Variants in LONP2 observed in about 807,000 individuals in gnomAD.
LONP2 encodes the protein lon protease homolog 2, peroxisomal.
A neutral mutation model predicts 85.6 loss-of-function variants in LONP2; 60 were observed. The ratio of observed to expected loss-of-function variants is 0.70; its 90% CI spans 0.57 to 0.87. The LOEUF (loss-of-function observed/expected upper bound fraction) is 0.87, where lower values mean the gene tolerates loss of function less well. LONP2 is among the 40% of genes least tolerant of loss of function. The pLI is 0.00. For synonymous variants in LONP2, 395 were observed against 389.7 expected (o/e 1.01, Z -0.16); for missense variants, 860 against 1,063.5 (o/e 0.81, Z 2.66).
chr16:48,270,124 A>T lies in LONP2; in HGVS notation c.1091A>T (p.Asn364Ile), dbSNP rs368411740. The change falls in exon 7 of 15, where the codon AAT becomes ATT. Residue 364 changes from asparagine to isoleucine, a missense_variant. Around this residue, in one of 3 missense-constraint regions of LONP2, gnomAD observed 743 missense variants for 917.3 expected, o/e 0.81. Transcript: ENST00000285737. Reference protein sequence around the residue: ...LEYLAVRQLKNNLKGPILCFV... With the variant: ...LEYLAVRQLKINLKGPILCFV... ...TACTTGGCTGTCAGACAGCTCAAAA[A>T]TAACCTGAAGGGCCCAATCCTATGC... is the stretch of plus-strand genomic sequence containing the variant. 5 of 1,613,968 alleles carry T rather than the reference A, an allele frequency of 3.1e-6. No homozygotes were observed. In the African/African-American group the frequency reaches 4.0e-5, roughly 13 times the overall value.
intron 11 of LONP2, among the ~76,000 whole-genome samples, chr16:48,305,781 T>G (rs191200135): frequency 6.6e-6 from 1 of 152,364 alleles, no homozygotes; most frequent in East Asian, 1.9e-4. Context: ...ATGTACTTTT[T>G]GTTTCCCAAA....
At chr16:48,255,158 G>T (rs532271376) in intron 2 of LONP2, among the ~76,000 whole-genome samples, 1 of 152,316 alleles carries the variant, frequency 6.6e-6, no homozygotes, top group South Asian at 2.1e-4. Context: ...TGAAATCTCA[G>T]TCGCATAATG....
chr16:48,252,222 C>T lies in LONP2; in HGVS notation c.325C>T (p.Gln109Ter), dbSNP rs890704340. 8 of 1,614,058 alleles carry T rather than the reference C, an allele frequency of 5.0e-6. No individual in the cohort carries two copies. The highest frequency in any genetic ancestry group is 3.3e-5 in the Admixed American group (2 of 60,006). Residue 109 changes from glutamine (Q) to a stop codon, truncating the protein, a stop_gained, in exon 2 of 15, where the codon CAG becomes TAG. Coordinates refer to ENST00000285737, the MANE Select transcript of LONP2 (RefSeq NM_031490.5). LOFTEE classifies it high-confidence loss of function. ...GTTGATTACAGGCCTATGCCGTTTC[C>T]AGATTGTACAGGTCTTAAAAGAGAA... ...TLLITGLCRFQIVQVLKEKPY... is the reference protein window; with the variant it reads ...TLLITGLCRF
At chr16:48,265,097 T>C (rs1971963491) in intron 6 of LONP2, among the ~76,000 whole-genome samples, 1 of 152,214 alleles carries the variant, frequency 6.6e-6, no homozygotes, top group Non-Finnish European at 1.5e-5. Context: ...CATGAGTTCC[T>C]TGTGTATTTT....
At chr16:48,263,889 AAG>A (rs1262581285) in intron 6 of LONP2, among the ~76,000 whole-genome samples, 1 of 152,206 alleles carries the variant, frequency 6.6e-6, no homozygotes, top group Non-Finnish European at 1.5e-5. Flanking sequence ...CAGAGTACAA[AAG>A]AGAGAAATTT....
At chr16:48,312,721 A>G (rs1054628380) in intron 11 of LONP2, among the ~76,000 whole-genome samples, 4 of 152,200 alleles carry the variant, frequency 2.6e-5, no homozygotes, top group African/African-American at 9.7e-5. Flanking sequence ...GGCACTATGC[A>G]GTTGTATCAA....
At chr16:48,319,791 C>T (rs1014790124) in intron 11 of LONP2, among the ~76,000 whole-genome samples, 1 of 152,194 alleles carries the variant, frequency 6.6e-6, no homozygotes, top group Non-Finnish European at 1.5e-5. Context: ...ATGGGAGGCA[C>T]TAACTCCATG....
chr16:48,348,022 G>C (rs1172820596), intron 13 of LONP2, 78 bp from the exon 14 acceptor site: 1 of 1,333,158 alleles, frequency 7.5e-7, no homozygotes, highest in Admixed American at 2.4e-5. Flanking sequence ...ATTCATTTTT[G>C]TTTGTGACTT....
chr16:48,277,403 A>G lies in LONP2; in HGVS notation c.1307A>G (p.Asn436Ser). 1.2e-6 allele frequency: 2 copies of G among 1,613,750 alleles called. No homozygotes were observed. Among genetic ancestry groups the G allele is most frequent in the Non-Finnish European group, 1.7e-6 (2 of 1,179,818 alleles). The change falls in exon 8 of 15, where the codon AAC becomes AGC. Residue 436 changes from asparagine (N) to serine (S), a missense_variant. Physicochemically the swap from Asn to Ser is conservative, Grantham distance 46 (BLOSUM62 1). Coordinates refer to ENST00000285737, the MANE Select transcript of LONP2 (RefSeq NM_031490.5). ...GGCTTGAAGACTGTGGGAGTGAACAACCCAGTGTTCCTATTAGATGAGGTT... is the reference window on the plus strand; with the variant it reads ...GGCTTGAAGACTGTGGGAGTGAACAGCCCAGTGTTCCTATTAGATGAGGTT... Reference protein sequence around the residue: ...INGLKTVGVNNPVFLLDEVDK... With the variant: ...INGLKTVGVNSPVFLLDEVDK...
intron 8 of LONP2, among the ~76,000 whole-genome samples, chr16:48,282,523 A>G (rs1053716791): frequency 4.6e-5 from 7 of 151,956 alleles, no homozygotes; most frequent in Middle Eastern, 3.4e-3. Context: ...ACATTTTGGT[A>G]GTTATTGCAA....
intron 1 of LONP2, among the ~76,000 whole-genome samples, chr16:48,250,493 CAAAA>C (rs941055834): frequency 1.3e-5 from 2 of 149,320 alleles, no homozygotes; most frequent in South Asian, 2.2e-4. Context: ...AAAAAAAAAA[CAAAA>C]AACAAAAAAC....
At chr16:48,333,078 A>G (rs148285482) in intron 11 of LONP2, among the ~76,000 whole-genome samples, 3,257 of 152,238 alleles carry the variant, frequency 0.021, 64 homozygotes, top group Non-Finnish European at 0.029. Flanking sequence ...ACGGCAAACT[A>G]AAAGAAAAAG....
At chr16:48,361,217 A>G (rs149352465), downstream of LONP2, 12 of 223,068 alleles carry the variant, frequency 5.4e-5, no homozygotes, top group Non-Finnish European at 1.1e-4. Context: ...AAACCCAAAC[A>G]CGCACACACC....
intron 12 of LONP2, chr16:48,336,455 A>G: frequency 2.2e-6 from 1 of 456,144 alleles, no homozygotes; most frequent in Middle Eastern, 3.3e-4. Context: ...ACCACCAAAC[A>G]GGCTTTGTGT....
chr16:48,306,209 G>T (rs1972908453), intron 11 of LONP2, among the ~76,000 whole-genome samples: 3 of 152,176 alleles, frequency 2.0e-5, no homozygotes, highest in African/African-American at 7.2e-5. Context: ...TTTGAAAATT[G>T]TGTTTAAGAT....
chr16:48,269,987 C>G lies in LONP2; in HGVS notation c.983-29C>G, dbSNP rs766952276. On this transcript the variant is annotated intron_variant, in intron 6 of 14. Coordinates refer to ENST00000285737, the MANE Select transcript of LONP2 (RefSeq NM_031490.5). ...CTTTAACTTAAAAATTTTATGTGTT[C>G]TAATTATTTCTGTTGGGTTATTTGA... 1.9e-4 allele frequency: 308 copies of G among 1,586,978 alleles called. 1 individual carries two copies. Among genetic ancestry groups the G allele is most frequent in the South Asian group, 3.9e-4 (34 of 86,432 alleles).
At chr16:48,359,161 C>G (rs1960482671), downstream of LONP2, among the ~76,000 whole-genome samples, 1 of 152,014 alleles carries the variant, frequency 6.6e-6, no homozygotes, top group African/African-American at 2.4e-5. Flanking sequence ...TTAGTAGAGA[C>G]AGGGTTTCAC....
chr16:48,360,491 G>A (rs1053086753), downstream of LONP2: 4 of 152,536 alleles, frequency 2.6e-5, no homozygotes, highest in Non-Finnish European at 1.5e-5. Context: ...AAATAACTTC[G>A]GATTTTATCA....
intron 11 of LONP2, among the ~76,000 whole-genome samples, chr16:48,304,129 G>C (rs1972864237): frequency 1.3e-5 from 2 of 152,108 alleles, no homozygotes; most frequent in African/African-American, 4.8e-5. Flanking sequence ...GTTATGTATG[G>C]GTTCTGGTGT....
Sources: gnomAD v4.1 joint callset for allele counts (sites outside exome capture counted in the v4.1 genomes callset) on GRCh38, gnomAD v4.1.1 for gene constraint, gnomAD v4.1.1 regional missense constraint, MANE v1.5 for transcripts, NCBI Gene and HGNC (gene_info 2026-07-23, HGNC 2026-07-21) for gene names.